CDYL2: variants seen among roughly 807,000 people sequenced by gnomAD.
The protein encoded by CDYL2 is chromodomain Y-like protein 2.
In CDYL2, 23 loss-of-function variants were observed where a neutral mutation model predicts 49.4. That is an observed-to-expected ratio of 0.47 (90% confidence interval 0.34 to 0.66). The LOEUF (loss-of-function observed/expected upper bound fraction) is 0.66. CDYL2 is among the 30% of genes least tolerant of loss of function. The pLI is 0.01. For synonymous variants in CDYL2, 360 were observed against 268.8 expected (o/e 1.34, Z -3.32); for missense variants, 678 against 656.4 (o/e 1.03, Z -0.36).
intron 3 of CDYL2, among the ~76,000 whole-genome samples, chr16:80,625,263 C>A (rs182748027): frequency 2.1e-4 from 32 of 152,278 alleles, no homozygotes; most frequent in Admixed American, 1.2e-3. Context: ...CTTATAGAGG[C>A]CACCCACATT....
intron 1 of CDYL2, among the ~76,000 whole-genome samples, chr16:80,744,106 A>C (rs1257441757): frequency 6.6e-6 from 1 of 152,210 alleles, no homozygotes; most frequent in African/African-American, 2.4e-5. Context: ...AAATAAAGAA[A>C]CTGAAGCACA....
At chr16:80,790,852 A>C (rs1327026854) in intron 1 of CDYL2, among the ~76,000 whole-genome samples, 1 of 152,190 alleles carries the variant, frequency 6.6e-6, no homozygotes, top group East Asian at 1.9e-4. Flanking sequence ...ATCTTGCATA[A>C]GAAAGCGATA....
chr16:80,791,667 G>C (rs1005613180), intron 1 of CDYL2, among the ~76,000 whole-genome samples: 5 of 152,118 alleles, frequency 3.3e-5, no homozygotes, highest in African/African-American at 1.2e-4. Context: ...CAGTCATTTG[G>C]AAGGATATGA....
chr16:80,719,743 C>G (rs1030181426), intron 1 of CDYL2, among the ~76,000 whole-genome samples: 1 of 152,192 alleles, frequency 6.6e-6, no homozygotes, highest in Non-Finnish European at 1.5e-5. Context: ...AGGAGGCTGT[C>G]GCCACCAAGC....
At chr16:80,758,177 C>G (rs1466538750) in intron 1 of CDYL2, among the ~76,000 whole-genome samples, 1 of 152,026 alleles carries the variant, frequency 6.6e-6, no homozygotes, top group Non-Finnish European at 1.5e-5. Context: ...ATGGATTAGT[C>G]AATAATCGGT....
chr16:80,768,332 A>G (rs555754071), intron 1 of CDYL2, among the ~76,000 whole-genome samples: 1 of 152,260 alleles, frequency 6.6e-6, no homozygotes, highest in Admixed American at 6.5e-5. Context: ...CACTATCCCC[A>G]ACATCAACAC....
At chr16:80,751,806 A>G (rs1906146440) in intron 1 of CDYL2, among the ~76,000 whole-genome samples, 1 of 152,232 alleles carries the variant, frequency 6.6e-6, no homozygotes, top group East Asian at 1.9e-4. Context: ...ATAATCAGAG[A>G]TAGCTGAACC....
rs886645355 is a variant in CDYL2, at chr16:80,662,745, C to T, written c.616+21793G>A. 18 of 455,774 alleles carry T rather than the reference C, an allele frequency of 3.9e-5. No homozygotes were observed. In the East Asian group the frequency reaches 9.7e-4, roughly 25 times the overall value. The allele number at this position is 455,774 out of a possible 1,614,324, so 28.2% of individuals were successfully genotyped here. ...TAACTAATTGAAATATAACTCTAAC[C>T]ACCTGTGGCTGATGGCTACCGTACT... On this transcript the variant is annotated intron_variant, in intron 2 of 6. Transcript: ENST00000570137.
chr16:80,683,031 A>T (rs1038763344), intron 2 of CDYL2, among the ~76,000 whole-genome samples: 8 of 152,174 alleles, frequency 5.3e-5, no homozygotes, highest in African/African-American at 1.9e-4. Flanking sequence ...GTACCTAAAG[A>T]CAGCAAGCTC....
chr16:80,709,471 CTTGTG>C (rs1180326950), intron 1 of CDYL2, among the ~76,000 whole-genome samples: 2 of 151,562 alleles, frequency 1.3e-5, no homozygotes, highest in African/African-American at 4.9e-5. Flanking sequence ...TTTGCATTTT[CTTGTG>C]CACAATTTCG....
chr16:80,704,485 C>G (rs1364010495), intron 1 of CDYL2, among the ~76,000 whole-genome samples: 1 of 152,196 alleles, frequency 6.6e-6, no homozygotes, highest in Non-Finnish European at 1.5e-5. Context: ...ATGGGGACAG[C>G]CAGCTTCTAA....
chr16:80,628,673 G>C (rs764025383), intron 3 of CDYL2, among the ~76,000 whole-genome samples: 7 of 150,440 alleles, frequency 4.7e-5, no homozygotes, highest in African/African-American at 1.3e-4. Flanking sequence ...ATCTGCTACA[G>C]TTATAGATAA....
chr16:80,717,846 A>G (rs1426335572), intron 1 of CDYL2, among the ~76,000 whole-genome samples: 3 of 152,274 alleles, frequency 2.0e-5, no homozygotes, highest in Admixed American at 6.5e-5. Context: ...CCTGGCATGC[A>G]AAATGTGACA....
At chr16:80,747,675 G>T (rs1195452464) in intron 1 of CDYL2, among the ~76,000 whole-genome samples, 1 of 152,108 alleles carries the variant, frequency 6.6e-6, no homozygotes, top group Non-Finnish European at 1.5e-5. Context: ...AGAGAAGCAA[G>T]TACCAGACAA....
intron 2 of CDYL2, among the ~76,000 whole-genome samples, chr16:80,675,812 C>A (rs1909721430): frequency 6.6e-6 from 1 of 152,144 alleles, no homozygotes; most frequent in African/African-American, 2.4e-5. Context: ...TTACTGCTTG[C>A]TCCTGGGGAG....
At chr16:80,691,440 C>T (rs2142486997) in intron 1 of CDYL2, among the ~76,000 whole-genome samples, 1 of 152,248 alleles carries the variant, frequency 6.6e-6, no homozygotes, top group South Asian at 2.1e-4. Context: ...GCTGTCAGAC[C>T]AAGAAGTTTG....
chr16:80,764,107 C>G (rs569109849), intron 1 of CDYL2, among the ~76,000 whole-genome samples: 3 of 152,078 alleles, frequency 2.0e-5, no homozygotes, highest in Non-Finnish European at 2.9e-5. Context: ...TAAAAGACAA[C>G]AGAATTGTGG....
chr16:80,656,155 A>G (rs999153889), intron 2 of CDYL2, among the ~76,000 whole-genome samples: 5 of 152,230 alleles, frequency 3.3e-5, no homozygotes, highest in Non-Finnish European at 7.3e-5. Flanking sequence ...TTTGAACTCA[A>G]TCAATTAAAG....
At position 80,683,842 on chromosome 16, in the gene CDYL2, A is replaced by G. The variant is rs115048120; in HGVS notation, c.616+696T>C. Among the ~76,000 whole-genome samples the G allele has an allele frequency of 6.4e-3, 968 of 152,350 alleles. 10 individuals are homozygous for G. The highest frequency in any genetic ancestry group is 0.02 in the African/African-American group (842 of 41,584). On this transcript the variant is annotated intron_variant, in intron 2 of 6. Transcript: ENST00000570137. The stretch of plus-strand genomic sequence containing the variant: ...AGAGGAACAGGCCCTCACCCGATGC[A>G]GCATCTGCTGGTGCCTTCATCATGG...
Sources: gnomAD v4.1 joint callset for allele counts (sites outside exome capture counted in the v4.1 genomes callset) on GRCh38, gnomAD v4.1.1 for gene constraint, MANE v1.5 for transcripts, NCBI Gene and HGNC (gene_info 2026-07-23, HGNC 2026-07-21) for gene names.